The following PDK1 variants were observed in gnomAD, a reference collection of about 807,000 sequenced individuals.
PDK1 encodes the protein [Pyruvate dehydrogenase (acetyl-transferring)] kinase isozyme 1, mitochondrial.
PDK1 carries 39 observed loss-of-function variants against 54.2 expected under a neutral mutation model. The observed-to-expected ratio is 0.72, with a 90% CI of 0.56 to 0.94. The LOEUF is 0.94. Among genes scored for constraint, PDK1 ranks in the 40% least tolerant of loss-of-function variants. The pLI, the probability that PDK1 is intolerant of heterozygous loss-of-function variation, is 0.00. For missense variants in PDK1, 552 were observed against 566.0 expected (o/e 0.98, Z 0.25); for synonymous variants, 221 against 207.1 (o/e 1.07, Z -0.58).
rs995904124 is a variant in PDK1, at chr2:172,597,837, G to A, written c.*1868G>A. 6.6e-6 allele frequency: 1 copy of A among 152,204 alleles called. No homozygotes were observed. The highest frequency in any genetic ancestry group is 6.5e-5 in the Admixed American group (1 of 15,278). 9.4% of individuals were successfully genotyped at this position (152,204 alleles called of 1,614,324 possible). On this transcript the variant is annotated 3_prime_UTR_variant, in exon 11 of 11. Coordinates refer to ENST00000282077, the MANE Select transcript of PDK1 (RefSeq NM_002610.5). ...CACTTAAACAGGGGAGCTTTGTCTG[G>A]AAAATACACTGAGTTGAAACACTTC...
At chr2:172,712,974 G>A in the PDK1 span, among the ~76,000 whole-genome samples, 180 of 152,320 alleles carry the variant, frequency 1.2e-3, 2 homozygotes, top group African/African-American at 3.5e-3. Flanking sequence ...CTTTCTGCAG[G>A]CAGGCTGTCC....
chr2:172,632,267 G>T, the PDK1 span, among the ~76,000 whole-genome samples: 1 of 150,392 alleles, frequency 6.6e-6, no homozygotes, highest in South Asian at 2.1e-4. Context: ...GTGAGACTCT[G>T]TCTAAAAAAA....
the PDK1 span, among the ~76,000 whole-genome samples, chr2:172,716,429 G>A: frequency 7.2e-5 from 11 of 152,082 alleles, no homozygotes; most frequent in South Asian, 8.3e-4. Context: ...GGGTTCAAGC[G>A]ATTCTCCTGC....
At chr2:172,670,321 T>C in the PDK1 span, among the ~76,000 whole-genome samples, 1 of 152,230 alleles carries the variant, frequency 6.6e-6, no homozygotes, top group Non-Finnish European at 1.5e-5. Flanking sequence ...AAAAGGAACA[T>C]TTCCATAATT....
chr2:172,581,598 C>T (rs921602172), intron 8 of PDK1, among the ~76,000 whole-genome samples: 2 of 152,110 alleles, frequency 1.3e-5, no homozygotes, highest in East Asian at 3.9e-4. Flanking sequence ...TGTTTCTGCT[C>T]CTCACATCCA....
chr2:172,641,321 G>A, the PDK1 span, among the ~76,000 whole-genome samples: 1 of 151,832 alleles, frequency 6.6e-6, no homozygotes, highest in African/African-American at 2.4e-5. Flanking sequence ...TTGTGGAGAC[G>A]GGGTCTTTCT....
Position 172,597,062 on chromosome 2 carries a change from G to T in PDK1, c.*1093G>T, listed in dbSNP as rs766647653. ...TAGAAGCAGAAGAACAAAATGCCAC[G>T]TAACCAAAGCATCAGAGCCATCATT... is the stretch of plus-strand genomic sequence containing the variant. On this transcript the variant is annotated 3_prime_UTR_variant, in exon 11 of 11. Transcript: ENST00000282077. 8 of 151,818 alleles carry T rather than the reference G, an allele frequency of 5.3e-5. No individual in the cohort carries two copies. The highest frequency in any genetic ancestry group is 1.0e-4 in the Non-Finnish European group (7 of 67,974). 9.4% of individuals were successfully genotyped at this position (151,818 alleles called of 1,614,324 possible). A position where few individuals can be genotyped will look rare whatever the true frequency, so the allele number is the denominator to read the frequency against.
chr2:172,637,348 C>T, the PDK1 span, among the ~76,000 whole-genome samples: 1 of 152,184 alleles, frequency 6.6e-6, no homozygotes, highest in African/African-American at 2.4e-5. Flanking sequence ...CCACAGAGGT[C>T]ACTTATTCTG....
At chr2:172,581,195 C>T (rs969863114) in intron 8 of PDK1, among the ~76,000 whole-genome samples, 8 of 152,084 alleles carry the variant, frequency 5.3e-5, no homozygotes, top group South Asian at 2.1e-4. Context: ...CAGGTTCAAG[C>T]GATTCTCCTG....
At chr2:172,637,756 C>T in the PDK1 span, among the ~76,000 whole-genome samples, 7 of 152,160 alleles carry the variant, frequency 4.6e-5, no homozygotes, top group Middle Eastern at 3.4e-3. Flanking sequence ...AGTGTAGTGG[C>T]GCAATCTTGG....
chr2:172,661,447 A>G, the PDK1 span, among the ~76,000 whole-genome samples: 78 of 152,340 alleles, frequency 5.1e-4, 1 homozygote, highest in Middle Eastern at 6.8e-3. Context: ...GAAATACCAC[A>G]TAATCATGTA....
chr2:172,609,384 A>G (rs1400135632), downstream of PDK1, among the ~76,000 whole-genome samples: 1 of 152,260 alleles, frequency 6.6e-6, no homozygotes, highest in African/African-American at 2.4e-5. Flanking sequence ...CCTGTTAAGT[A>G]TCATATTAAA....
chr2:172,563,555 C>T (rs190410532), intron 3 of PDK1, among the ~76,000 whole-genome samples: 8 of 152,196 alleles, frequency 5.3e-5, no homozygotes, highest in African/African-American at 1.9e-4. Context: ...CTTCTTGGGC[C>T]GGGCACGGTG....
At chr2:172,613,951 A>T in the PDK1 span, among the ~76,000 whole-genome samples, 1 of 152,066 alleles carries the variant, frequency 6.6e-6, no homozygotes, top group Non-Finnish European at 1.5e-5. Context: ...GGAGCCAGGA[A>T]CAGGCAGGAT....
the PDK1 span, among the ~76,000 whole-genome samples, chr2:172,710,352 G>A: frequency 6.6e-6 from 1 of 152,140 alleles, no homozygotes; most frequent in Non-Finnish European, 1.5e-5. Context: ...ATAATTCAAA[G>A]TACTCTTAAT....
chr2:172,637,926 G>C, the PDK1 span, among the ~76,000 whole-genome samples: 1 of 152,088 alleles, frequency 6.6e-6, no homozygotes, highest in South Asian at 2.1e-4. Flanking sequence ...TCAAACTCCT[G>C]ACCTCAGGTG....
the PDK1 span, among the ~76,000 whole-genome samples, chr2:172,623,952 A>G: frequency 6.6e-6 from 1 of 152,166 alleles, no homozygotes; most frequent in African/African-American, 2.4e-5. Context: ...TAAAACTTAT[A>G]TAGCTTTGGT....
the PDK1 span, among the ~76,000 whole-genome samples, chr2:172,693,536 C>G: frequency 2.6e-5 from 4 of 152,118 alleles, no homozygotes; most frequent in African/African-American, 9.7e-5. Context: ...GTACCTGGTA[C>G]CTGATGCTAT....
At chr2:172,651,002 T>A in the PDK1 span, among the ~76,000 whole-genome samples, 1 of 152,172 alleles carries the variant, frequency 6.6e-6, no homozygotes, top group South Asian at 2.1e-4. Flanking sequence ...TACAGAACTC[T>A]CCACCCCAAA....
Sources: gnomAD v4.1 joint callset for allele counts (sites outside exome capture counted in the v4.1 genomes callset) on GRCh38, gnomAD v4.1.1 for gene constraint, MANE v1.5 for transcripts, NCBI Gene and HGNC (gene_info 2026-07-23, HGNC 2026-07-21) for gene names.